ECM2: variants seen among roughly 807,000 people sequenced by gnomAD.
ECM2 encodes the protein extracellular matrix protein 2, female organ and adipocyte specific.
ECM2 carries 57 observed loss-of-function variants against 67.5 expected under a neutral mutation model. The observed-to-expected ratio is 0.84, with a 90% confidence interval of 0.68 to 1.05. The LOEUF (loss-of-function observed/expected upper bound fraction) is 1.05, where lower values mean the gene tolerates loss of function less well. Ranked by LOEUF, ECM2 falls within the 50% of genes least tolerant of loss-of-function variation. The probability of loss-of-function intolerance (pLI) is 0.00; values close to 1 mark genes in which losing one functional copy is unlikely to be tolerated. For synonymous variants in ECM2, 258 were observed against 294.5 expected, an observed-to-expected ratio of 0.88 and a Z score of 1.27; for missense variants, 741 against 822.8, an observed-to-expected ratio of 0.90 and a Z score of 1.22.
chr9:92,552,801 C>T, the ECM2 span, among the ~76,000 whole-genome samples: 2 of 152,170 alleles, frequency 1.3e-5, no homozygotes, highest in Admixed American at 1.3e-4. Flanking sequence ...TGTCTGTTTA[C>T]TCTGCTGACT....
At position 92,502,587 on chromosome 9, in the gene ECM2, C is replaced by A. The variant is rs777478606; in HGVS notation, c.1530G>T (p.Lys510Asn). The change falls in exon 8 of 10, where the codon AAG becomes AAT. Residue 510 changes from lysine to asparagine, a missense_variant. Physicochemically the swap from Lys to Asn is moderately conservative, Grantham distance 94. Transcript: ENST00000344604. ...ITEICFNHTR[K>N]INVIVLRYNK... ...TATAACGTAGTACAATGACATTGATCTTTCTGGTATGATTGAAACAAATTT... is the reference window on the plus strand; with the variant it reads ...TATAACGTAGTACAATGACATTGATATTTCTGGTATGATTGAAACAAATTT... 23 of 1,610,844 alleles carry A rather than the reference C, an allele frequency of 1.4e-5. No homozygotes were observed. In the South Asian group the frequency reaches 2.3e-4, roughly 16 times the overall value.
In ECM2 at chr9:92,522,441, T is replaced by C. The variant is rs144419834; in HGVS notation, c.292+134A>G. On this transcript the variant is annotated intron_variant, in intron 2 of 9. Transcript: ENST00000344604. ...TTGTAGATTAAACCAAAAAGTAATA[T>C]AATAACCTGGATTTTTCTTTAGAAA... The C allele has an allele frequency of 7.6e-6, 8 of 1,049,812 alleles. No homozygotes were observed. The African/African-American group carries it at 1.3e-4, about 17-fold the overall frequency. 65.0% of individuals were successfully genotyped at this position (1,049,812 alleles called of 1,614,324 possible).
chr9:92,522,533 C>G (rs997763181), intron 2 of ECM2, 42 bp downstream of exon 2: 1 of 1,506,610 alleles, frequency 6.6e-7, no homozygotes, highest in Non-Finnish European at 8.9e-7. Flanking sequence ...CATCTCTCAC[C>G]CTCCTCCCTC....
chr9:92,528,381 A>C (rs538452110), intron 1 of ECM2, among the ~76,000 whole-genome samples: 1 of 142,600 alleles, frequency 7.0e-6, no homozygotes, highest in Non-Finnish European at 1.6e-5. Context: ...AGGACACCAA[A>C]GAGACTAGTG....
At chr9:92,502,687 T>C (rs941363048) in intron 7 of ECM2, 35 bp from the exon 8 acceptor site, 1 of 1,481,604 alleles carries the variant, frequency 6.7e-7, no homozygotes, top group African/African-American at 1.4e-5. Context: ...ATTTTTCTTT[T>C]GTGTTAGTTG....
rs781088190 is a variant in ECM2 at position 92,502,576 on chromosome 9, A to G, written c.1541T>C (p.Ile514Thr). Reference sequence around the variant, plus strand: ...TTCAATTTTGTTATAACGTAGTACAATGACATTGATCTTTCTGGTATGATT... The same window carrying G: ...TTCAATTTTGTTATAACGTAGTACAGTGACATTGATCTTTCTGGTATGATT... ...CFNHTRKINV[I>T]VLRYNKIEEN... Residue 514 changes from isoleucine to threonine, a missense_variant, in exon 8 of 10, where the codon ATT becomes ACT. Transcript: ENST00000344604. The G allele has an allele frequency of 6.2e-7, 1 of 1,611,900 alleles. No individual in the cohort carries two copies. The highest frequency in any genetic ancestry group is 1.1e-5 in the South Asian group (1 of 90,780).
chr9:92,546,793 C>CT, the ECM2 span, among the ~76,000 whole-genome samples: 4 of 152,122 alleles, frequency 2.6e-5, no homozygotes, highest in Non-Finnish European at 5.9e-5. Flanking sequence ...TGAATAATTT[C>CT]TTTAAAAAAA....
rs1394503082 is a variant in ECM2 at position 92,532,025 on chromosome 9, TTTTATTTTA to T, written c.-28+3899_-28+3907del. ...CTTTTTTTATTTAATGTTTTTTTTT[TTTTATTTTA>T]TTTTTTTTTTGAGATGAGGTCTCAC... On this transcript the variant is annotated intron_variant, in intron 1 of 9. Coordinates refer to ENST00000344604, the MANE Select transcript of ECM2 (RefSeq NM_001393.4). 1.7e-4 allele frequency among the ~76,000 whole-genome samples: 22 copies of T among 125,810 alleles called. 4 individuals are homozygous for T. The highest frequency in any genetic ancestry group is 5.3e-4 in the African/African-American group (15 of 28,082). 82.5% of individuals were successfully genotyped at this position (125,810 alleles called of 152,430 possible).
chr9:92,547,448 A>G, the ECM2 span, among the ~76,000 whole-genome samples: 1 of 152,274 alleles, frequency 6.6e-6, no homozygotes, highest in Non-Finnish European at 1.5e-5. Context: ...CTGCATAGCC[A>G]TACAAGGGAA....
the ECM2 span, among the ~76,000 whole-genome samples, chr9:92,552,835 C>G: frequency 1.3e-5 from 2 of 152,074 alleles, no homozygotes; most frequent in African/African-American, 4.8e-5. Context: ...TGCAAAAGCT[C>G]TTTAATTAGG....
intron 1 of ECM2, among the ~76,000 whole-genome samples, chr9:92,533,303 CAAAAA>C (rs1174584000): frequency 0.019 from 549 of 29,600 alleles, 1 homozygote; most frequent in South Asian, 0.088. Flanking sequence ...CGGTCTCAAA[CAAAAA>C]AAAAAAAAAA....
chr9:92,553,046 C>T, the ECM2 span, among the ~76,000 whole-genome samples: 1 of 151,506 alleles, frequency 6.6e-6, no homozygotes, highest in East Asian at 1.9e-4. Flanking sequence ...AGTTTCACGT[C>T]TTAGGTTTAA....
At chr9:92,526,842 G>A (rs1848445488) in intron 1 of ECM2, among the ~76,000 whole-genome samples, 1 of 152,094 alleles carries the variant, frequency 6.6e-6, no homozygotes, top group African/African-American at 2.4e-5. Context: ...TTACAGTAGT[G>A]TATAGTAATG....
At chr9:92,523,070 A>T (rs1376976731) in intron 1 of ECM2, among the ~76,000 whole-genome samples, 177 bp from the exon 2 acceptor site, 2 of 151,994 alleles carry the variant, frequency 1.3e-5, no homozygotes, top group Non-Finnish European at 2.9e-5. Flanking sequence ...TTCTATCAGA[A>T]TCAAAAAACT....
chr9:92,542,085 C>T, the ECM2 span, among the ~76,000 whole-genome samples: 1 of 152,210 alleles, frequency 6.6e-6, no homozygotes, highest in Non-Finnish European at 1.5e-5. Context: ...AGCCACTGCA[C>T]CCAGCCTGTG....
intron 2 of ECM2, 75 bp from the exon 3 acceptor site, chr9:92,517,950 G>A: frequency 2.6e-6 from 4 of 1,556,320 alleles, no homozygotes; most frequent in Middle Eastern, 1.7e-4. Context: ...TAAACACAAT[G>A]TGAAGTCAAA....
chr9:92,545,642 C>T, the ECM2 span, among the ~76,000 whole-genome samples: 5 of 152,334 alleles, frequency 3.3e-5, no homozygotes, highest in East Asian at 1.9e-4. Context: ...GCACAGGGCG[C>T]GGGACTGGCA....
chr9:92,526,557 T>A (rs1848421670), intron 1 of ECM2, among the ~76,000 whole-genome samples: 1 of 147,394 alleles, frequency 6.8e-6, no homozygotes. Context: ...CCAAAATTAG[T>A]GGAAAAAAAG....
chr9:92,507,200 A>G (rs1436843305), intron 6 of ECM2, among the ~76,000 whole-genome samples: 8 of 152,202 alleles, frequency 5.3e-5, no homozygotes, highest in Non-Finnish European at 1.2e-4. Context: ...CTCAGGATTA[A>G]TGGAAGTGCT....
Sources: allele counts gnomAD v4.1 joint callset (sites outside exome capture counted in the v4.1 genomes callset), GRCh38; gene constraint gnomAD v4.1.1; transcripts MANE v1.5; gene names NCBI Gene and HGNC (gene_info 2026-07-23, HGNC 2026-07-21).